Variants in UBE2H observed in about 807,000 individuals in gnomAD.
UBE2H encodes the protein ubiquitin conjugating enzyme E2 H, also known as ubiquitin-conjugating enzyme E2 H.
Under a neutral mutation model 29.0 loss-of-function variants are expected in UBE2H, and 3 were observed. The ratio of observed to expected loss-of-function variants is 0.10; its 90% CI spans 0.05 to 0.27. The LOEUF is 0.27. Ranked by LOEUF, UBE2H falls within the 10% of genes least tolerant of loss-of-function variation. The pLI is 1.00. For missense variants in UBE2H, 68 were observed against 228.2 expected, an observed-to-expected ratio of 0.30 and a Z score of 4.52; for synonymous variants, 69 against 82.9, an observed-to-expected ratio of 0.83 and a Z score of 0.91.
At chr7:129,891,219 CTT>C (rs1428804845) in intron 1 of UBE2H, among the ~76,000 whole-genome samples, 1 of 151,362 alleles carries the variant, frequency 6.6e-6, no homozygotes, top group African/African-American at 2.4e-5. Context: ...GAGTTTCACT[CTT>C]GTTGCCCAGG....
chr7:129,933,503 C>A (rs76315131), intron 1 of UBE2H, among the ~76,000 whole-genome samples: 9,382 of 152,136 alleles, frequency 0.062, 363 homozygotes, highest in Non-Finnish European at 0.091. Flanking sequence ...TCTTAAACAC[C>A]AGGAATCAAA....
intron 1 of UBE2H, among the ~76,000 whole-genome samples, chr7:129,942,490 A>T (rs984509128): frequency 1.3e-5 from 2 of 152,164 alleles, no homozygotes; most frequent in African/African-American, 4.8e-5. Context: ...TCCGTCTCTC[A>T]CACACACAAA....
intron 1 of UBE2H, among the ~76,000 whole-genome samples, chr7:129,924,948 G>C (rs1200409027): frequency 1.3e-5 from 2 of 149,716 alleles, no homozygotes; most frequent in South Asian, 2.1e-4. Context: ...GCTAAACTAT[G>C]AATAAAAAAA....
At chr7:129,906,670 A>T (rs1464544474) in intron 1 of UBE2H, among the ~76,000 whole-genome samples, 3 of 152,162 alleles carry the variant, frequency 2.0e-5, no homozygotes, top group Admixed American at 6.5e-5. Context: ...AGAAAAAAAA[A>T]TTTGCTTATA....
At chr7:129,946,331 T>C (rs1807765109) in intron 1 of UBE2H, among the ~76,000 whole-genome samples, 1 of 151,938 alleles carries the variant, frequency 6.6e-6, no homozygotes, top group African/African-American at 2.4e-5. Flanking sequence ...AGTGTTGGGA[T>C]TACAGGCGTG....
At chr7:129,904,837 G>A (rs961570210) in intron 1 of UBE2H, among the ~76,000 whole-genome samples, 2 of 152,208 alleles carry the variant, frequency 1.3e-5, no homozygotes, top group Admixed American at 1.3e-4. Flanking sequence ...AGAGTGATAT[G>A]AGGGTTACTC....
Position 129,834,753 on chromosome 7 carries a change from G to A in UBE2H, c.*184C>T, listed in dbSNP as rs1046591990. ...ATGTGGGAATATGCTATGCACCTCA[G>A]GTTGAGAAATGACCAAGAAATCAAG... On this transcript the variant is annotated 3_prime_UTR_variant, in exon 7 of 7. Transcript: ENST00000355621. The A allele has an allele frequency of 1.4e-6, 1 of 692,688 alleles. No homozygotes were observed. Among genetic ancestry groups the A allele is most frequent in the South Asian group, 2.4e-5 (1 of 42,538 alleles). The allele number at this position is 692,688 out of a possible 1,614,324, so 42.9% of individuals were successfully genotyped here.
At chr7:129,837,215 A>G (rs1396003785) in intron 6 of UBE2H, among the ~76,000 whole-genome samples, 1 of 152,344 alleles carries the variant, frequency 6.6e-6, no homozygotes, top group African/African-American at 2.4e-5. Context: ...TTCAGAAATC[A>G]TCTCCCTGGA....
At chr7:129,873,111 C>T (rs1013803089) in intron 3 of UBE2H, among the ~76,000 whole-genome samples, 2 of 151,650 alleles carry the variant, frequency 1.3e-5, no homozygotes, top group African/African-American at 4.8e-5. Context: ...CTCCGCCTCC[C>T]GGGTTCACGC....
At chr7:129,946,687 C>T (rs1211139988) in intron 1 of UBE2H, among the ~76,000 whole-genome samples, 1 of 152,088 alleles carries the variant, frequency 6.6e-6, no homozygotes, top group Non-Finnish European at 1.5e-5. Flanking sequence ...GCTCTGTCCC[C>T]CGGGCTGGAG....
At position 129,834,653 on chromosome 7, in the gene UBE2H, A is replaced by G. The variant is rs1805289494; in HGVS notation, c.*284T>C. On this transcript the variant is annotated 3_prime_UTR_variant, in exon 7 of 7. Coordinates refer to ENST00000355621, the MANE Select transcript of UBE2H (RefSeq NM_003344.4). ...GAGCGGCTATTTCCTTCGACAGTTC[A>G]GTAGCACACAGGCTGACTTGGCCAC... 1 of 269,094 alleles carries G rather than the reference A, an allele frequency of 3.7e-6. No individual in the cohort carries two copies. The highest frequency in any genetic ancestry group is 7.0e-6 in the Non-Finnish European group (1 of 142,610). The allele number at this position is 269,094 out of a possible 1,614,324, so 16.7% of individuals were successfully genotyped here.
intron 3 of UBE2H, among the ~76,000 whole-genome samples, chr7:129,868,351 C>A (rs550613379): frequency 2.6e-5 from 4 of 151,850 alleles, no homozygotes; most frequent in African/African-American, 7.3e-5. Context: ...GAGGCCGAGG[C>A]GGGTGGATCA....
chr7:129,883,939 T>C (rs1262126461), intron 1 of UBE2H, among the ~76,000 whole-genome samples: 1 of 151,796 alleles, frequency 6.6e-6, no homozygotes, highest in Non-Finnish European at 1.5e-5. Context: ...ATAATTTCTC[T>C]ACAAAAATTA....
intron 1 of UBE2H, among the ~76,000 whole-genome samples, chr7:129,886,582 C>A (rs1241341051): frequency 6.6e-6 from 1 of 151,964 alleles, no homozygotes. Context: ...AGAGTGCCCT[C>A]CCTGAGCTGT....
chr7:129,930,832 C>A (rs1471779251), intron 1 of UBE2H, among the ~76,000 whole-genome samples: 1 of 141,200 alleles, frequency 7.1e-6, no homozygotes, highest in East Asian at 2.1e-4. Flanking sequence ...TGCTTAAAGC[C>A]AGGAGGCAGG....
intron 1 of UBE2H, among the ~76,000 whole-genome samples, chr7:129,930,120 G>A (rs1229337457): frequency 1.3e-5 from 2 of 152,134 alleles, no homozygotes; most frequent in African/African-American, 4.8e-5. Flanking sequence ...ACATTTGTTA[G>A]GAGTAGTAGC....
intron 5 of UBE2H, among the ~76,000 whole-genome samples, chr7:129,851,372 A>T (rs1805606564): frequency 6.6e-6 from 1 of 152,358 alleles, no homozygotes; most frequent in Non-Finnish European, 1.5e-5. Context: ...AAATGAGGGC[A>T]GTTAATGTGT....
intron 5 of UBE2H, among the ~76,000 whole-genome samples, chr7:129,851,668 C>T (rs1805612090): frequency 1.3e-5 from 2 of 152,216 alleles, no homozygotes; most frequent in Admixed American, 6.5e-5. Context: ...TCTTTCAGAG[C>T]CATACCCTGG....
chr7:129,850,890 A>C (rs576775409), intron 5 of UBE2H, among the ~76,000 whole-genome samples: 2 of 151,580 alleles, frequency 1.3e-5, no homozygotes, highest in Non-Finnish European at 2.9e-5. Context: ...GAGAGAAAGG[A>C]GAGAGAGAGA....
Sources: gnomAD v4.1 joint callset for allele counts (sites outside exome capture counted in the v4.1 genomes callset) on GRCh38, gnomAD v4.1.1 for gene constraint, MANE v1.5 for transcripts, NCBI Gene and HGNC (gene_info 2026-07-23, HGNC 2026-07-21) for gene names.